Variants in ZNF407 observed in about 807,000 individuals in gnomAD.
ZNF407 encodes zinc finger protein 407.
In ZNF407, 17 loss-of-function variants were observed where a neutral mutation model predicts 131.2. The observed-to-expected ratio is 0.13, with a 90% CI of 0.09 to 0.19. The LOEUF is 0.19. ZNF407 is among the 10% of genes least tolerant of loss of function. The probability of loss-of-function intolerance (pLI) is 1.00; values close to 1 mark genes in which losing one functional copy is unlikely to be tolerated. For synonymous variants in ZNF407, 1,156 were observed against 1,062.0 expected (o/e 1.09, Z -1.72); for missense variants, 2,681 against 2,830.6 (o/e 0.95, Z 1.20).
rs1461777727 is a variant in ZNF407, at chr18:74,973,632, C to T, written c.5428+52940C>T. ...AACAAACATGCGATATGTTTGTCTGCACAGGCCGCCATAACAAAATGAGGG... is the reference window on the plus strand; with the variant it reads ...AACAAACATGCGATATGTTTGTCTGTACAGGCCGCCATAACAAAATGAGGG... On this transcript the variant is annotated intron_variant, in intron 8 of 8. Transcript: ENST00000299687. 3.9e-5 allele frequency among the ~76,000 whole-genome samples: 6 copies of T among 152,286 alleles called. No individual in the cohort carries two copies. In the East Asian group the frequency reaches 1.2e-3, roughly 29 times the overall value.
chr18:74,804,228 A>G (rs1182137721), intron 4 of ZNF407: 2 of 1,247,604 alleles, frequency 1.6e-6, no homozygotes, highest in Admixed American at 7.7e-5. Context: ...AGGCTAGTCT[A>G]GTGATTTTCT....
At chr18:74,821,149 T>A (rs545231214) in intron 4 of ZNF407, among the ~76,000 whole-genome samples, 1 of 152,024 alleles carries the variant, frequency 6.6e-6, no homozygotes, top group African/African-American at 2.4e-5. Context: ...CAAAAGTAAT[T>A]GCTGTGTTTG....
chr18:74,790,054 G>A (rs1969797161), intron 4 of ZNF407, among the ~76,000 whole-genome samples: 1 of 151,598 alleles, frequency 6.6e-6, no homozygotes. Flanking sequence ...ACATTCCTAT[G>A]GAACATTAGA....
chr18:74,777,817 C>G (rs1969505624), intron 3 of ZNF407, among the ~76,000 whole-genome samples: 1 of 151,970 alleles, frequency 6.6e-6, no homozygotes, highest in South Asian at 2.1e-4. Flanking sequence ...TGTGGTGGCT[C>G]ACACCTGTAA....
intron 1 of ZNF407, among the ~76,000 whole-genome samples, chr18:74,623,126 C>CTG (rs36140737): frequency 0.022 from 3,087 of 143,100 alleles, 91 homozygotes; most frequent in African/African-American, 0.072. Flanking sequence ...GTCAGTGTGA[C>CTG]TGTGTGTGTG....
rs571756999 is a variant in ZNF407 at position 74,949,879 on chromosome 18, C to T, written c.5428+29187C>T. ...GAAACCCACAGCCTGTTTGATATGA[C>T]CTAGTCCCTCTTGGATTCAATTCAG... is the stretch of plus-strand genomic sequence containing the variant. On this transcript the variant is annotated intron_variant, in intron 8 of 8. Transcript: ENST00000299687. Among the ~76,000 whole-genome samples the T allele has an allele frequency of 5.9e-5, 9 of 152,240 alleles. No individual in the cohort carries two copies. In the East Asian group the frequency reaches 1.7e-3, roughly 29 times the overall value.
intron 3 of ZNF407, among the ~76,000 whole-genome samples, chr18:74,728,106 T>C (rs1968203223): frequency 6.6e-6 from 1 of 152,156 alleles, no homozygotes; most frequent in African/African-American, 2.4e-5. Context: ...TCTTCTAATA[T>C]ACATTAGAAA....
intron 8 of ZNF407, among the ~76,000 whole-genome samples, chr18:74,953,023 A>G (rs1385550807): frequency 3.3e-5 from 5 of 152,166 alleles, no homozygotes; most frequent in Admixed American, 3.3e-4. Flanking sequence ...GCATGTAGAG[A>G]TGTTTCTTCT....
At chr18:74,599,509 A>T (rs1290555798) in intron 1 of ZNF407, among the ~76,000 whole-genome samples, 2 of 152,222 alleles carry the variant, frequency 1.3e-5, no homozygotes, top group Non-Finnish European at 2.9e-5. Flanking sequence ...CTGGTTGAAT[A>T]GACACATAAA....
At chr18:74,887,579 C>CT (rs1237530512) in intron 6 of ZNF407, among the ~76,000 whole-genome samples, 1 of 152,064 alleles carries the variant, frequency 6.6e-6, no homozygotes, top group Non-Finnish European at 1.5e-5. Flanking sequence ...AGCTGTTCAT[C>CT]TTTTTCCTGG....
intron 8 of ZNF407, among the ~76,000 whole-genome samples, chr18:75,054,035 G>C (rs944188262): frequency 3.9e-5 from 6 of 152,206 alleles, no homozygotes; most frequent in Admixed American, 3.9e-4. Context: ...CAAAGAGCCC[G>C]GGCCTTCCCG....
chr18:75,013,538 A>T (rs1298422541), intron 8 of ZNF407, among the ~76,000 whole-genome samples: 2 of 152,152 alleles, frequency 1.3e-5, no homozygotes, highest in African/African-American at 2.4e-5. Context: ...GGCAGCAGAA[A>T]TGTTCTCCAG....
intron 3 of ZNF407, among the ~76,000 whole-genome samples, chr18:74,669,296 A>G (rs72967651): frequency 0.15 from 22,430 of 152,126 alleles, 1,697 homozygotes; most frequent in Non-Finnish European, 0.17. Context: ...GGGCCTTCCC[A>G]TGGGGCCTTC....
chr18:74,677,291 A>G (rs1190297208), intron 3 of ZNF407, among the ~76,000 whole-genome samples: 2 of 152,146 alleles, frequency 1.3e-5, no homozygotes, highest in Non-Finnish European at 2.9e-5. Context: ...GGGTTTCACC[A>G]TGTTGGCAGG....
chr18:74,730,354 G>A (rs922145138), intron 3 of ZNF407, among the ~76,000 whole-genome samples: 3 of 152,148 alleles, frequency 2.0e-5, no homozygotes, highest in African/African-American at 7.2e-5. Context: ...TGCAAGGAAT[G>A]GCCATCCTCT....
chr18:74,606,443 T>A (rs1253661094), intron 1 of ZNF407, among the ~76,000 whole-genome samples: 5 of 152,248 alleles, frequency 3.3e-5, no homozygotes, highest in Admixed American at 2.0e-4. Context: ...AGATACGGGG[T>A]CTTGCCCAGG....
chr18:74,994,749 C>T (rs956678394), intron 8 of ZNF407, among the ~76,000 whole-genome samples: 8 of 152,092 alleles, frequency 5.3e-5, no homozygotes, highest in Non-Finnish European at 1.2e-4. Flanking sequence ...CAGGACCCAG[C>T]GACAGGAAGA....
At chr18:74,838,623 T>A (rs1419415187) in intron 4 of ZNF407, among the ~76,000 whole-genome samples, 1 of 152,322 alleles carries the variant, frequency 6.6e-6, no homozygotes, top group East Asian at 1.9e-4. Flanking sequence ...GTATGTACTT[T>A]ATTAAAAGTT....
chr18:74,813,351 ACT>A (rs1970223941), intron 4 of ZNF407, among the ~76,000 whole-genome samples: 1 of 151,956 alleles, frequency 6.6e-6, no homozygotes, highest in African/African-American at 2.4e-5. Context: ...TCAGGCTCAC[ACT>A]CTGCGCAGCT....
Sources: gnomAD v4.1 joint callset for allele counts (sites outside exome capture counted in the v4.1 genomes callset) on GRCh38, gnomAD v4.1.1 for gene constraint, MANE v1.5 for transcripts, NCBI Gene and HGNC (gene_info 2026-07-23, HGNC 2026-07-21) for gene names.